The following KATNIP variants were observed in gnomAD, a reference collection of about 807,000 sequenced individuals.
KATNIP encodes the protein katanin-interacting protein.
In KATNIP, 126 loss-of-function variants were observed where a neutral mutation model predicts 174.0. The ratio of observed to expected loss-of-function variants is 0.72; its 90% confidence interval spans 0.63 to 0.84. The LOEUF is 0.84. KATNIP is among the 40% of genes least tolerant of loss of function. The pLI is 0.00. For missense variants in KATNIP, 1,958 were observed against 2,109.7 expected, an observed-to-expected ratio of 0.93 and a Z score of 1.41; for synonymous variants, 810 against 835.7, an observed-to-expected ratio of 0.97 and a Z score of 0.53.
chr16:27,681,389 T>C lies in KATNIP; in HGVS notation c.809-10T>C. On this transcript the variant is annotated splice_polypyrimidine_tract_variant and intron_variant, in intron 7 of 27. Coordinates refer to ENST00000261588, the MANE Select transcript of KATNIP (RefSeq NM_015202.5). ...TCAGCGTCTTACATGAAACAATTGT[T>C]TTCCTACAGGTCATAAAAGGGAAAG... The C allele has an allele frequency of 6.2e-7, 1 of 1,614,162 alleles. No individual in the cohort carries two copies. The highest frequency in any genetic ancestry group is 8.5e-7 in the Non-Finnish European group (1 of 1,179,986).
At chr16:27,736,779 G>A (rs1267744292) in intron 14 of KATNIP, among the ~76,000 whole-genome samples, 3 of 152,188 alleles carry the variant, frequency 2.0e-5, no homozygotes, top group African/African-American at 7.2e-5. Flanking sequence ...ACTGCTGTGT[G>A]GAAAATGAAG....
At chr16:27,675,501 C>T (rs545814934) in intron 6 of KATNIP, among the ~76,000 whole-genome samples, 1 of 152,236 alleles carries the variant, frequency 6.6e-6, no homozygotes, top group East Asian at 1.9e-4. Context: ...TTTTAAAGCC[C>T]AGCTGGGCAA....
At chr16:27,558,731 C>A in intron 1 of KATNIP, among the ~76,000 whole-genome samples, 1 of 152,200 alleles carries the variant, frequency 6.6e-6, no homozygotes. Context: ...GGCCCACGGG[C>A]CAAAAATATT....
intron 7 of KATNIP, among the ~76,000 whole-genome samples, chr16:27,680,997 T>A (rs558120906): frequency 6.6e-6 from 1 of 152,166 alleles, no homozygotes; most frequent in Admixed American, 6.5e-5. Context: ...ACCCAGCCTA[T>A]TTTGTTCATT....
chr16:27,749,637 G>A lies in KATNIP; in HGVS notation c.2677G>A (p.Glu893Lys). ...ACGGTCAAGGTGGCGCAGTGAGCAG[G>A]AGCACACACTTCACGAGTCATGGAG... ...PSRSRWRSEQ[E>K]HTLHESWSSL... The change falls in exon 16 of 28, where the codon GAG (glutamate) becomes AAG (lysine). Residue 893 changes from glutamate to lysine, a missense_variant. Coordinates refer to ENST00000261588, the MANE Select transcript of KATNIP (RefSeq NM_015202.5). 6.3e-7 allele frequency: 1 copy of A among 1,585,994 alleles called. No homozygotes were observed. The highest frequency in any genetic ancestry group is 8.6e-7 in the Non-Finnish European group (1 of 1,166,820).
At chr16:27,725,390 G>A (rs2080406367) in intron 14 of KATNIP, among the ~76,000 whole-genome samples, 1 of 152,190 alleles carries the variant, frequency 6.6e-6, no homozygotes, top group Admixed American at 6.5e-5. Flanking sequence ...GCCGTCCTGA[G>A]AAAGATCTGG....
chr16:27,550,212 T>A (rs1295267680), intron 1 of KATNIP, 35 bp downstream of exon 1: 2 of 1,603,732 alleles, frequency 1.2e-6, no homozygotes, highest in East Asian at 4.5e-5. Context: ...GAGGTCGGGC[T>A]GTTATTCTCC....
chr16:27,681,959 T>C (rs1267914487), intron 8 of KATNIP, among the ~76,000 whole-genome samples: 1 of 152,222 alleles, frequency 6.6e-6, no homozygotes, highest in Admixed American at 6.5e-5. Flanking sequence ...AAAATGCTCC[T>C]TCAGAAACAC....
At chr16:27,593,373 G>C (rs556122856) in intron 2 of KATNIP, among the ~76,000 whole-genome samples, 1 of 151,750 alleles carries the variant, frequency 6.6e-6, no homozygotes, top group South Asian at 2.1e-4. Flanking sequence ...CAAGTAGCTG[G>C]GATTACAGGC....
intron 3 of KATNIP, among the ~76,000 whole-genome samples, chr16:27,618,964 C>T (rs1170797723): frequency 6.6e-6 from 1 of 152,186 alleles, no homozygotes; most frequent in Non-Finnish European, 1.5e-5. Flanking sequence ...CTGATTTTGT[C>T]TCTGGAATGC....
intron 2 of KATNIP, among the ~76,000 whole-genome samples, chr16:27,607,659 A>G (rs542891325): frequency 7.1e-6 from 1 of 140,962 alleles, no homozygotes; most frequent in East Asian, 2.1e-4. Context: ...GTGCAGTGGC[A>G]CAATCTCAGC....
chr16:27,699,462 T>G, intron 9 of KATNIP, 72 bp from the exon 10 acceptor site: 3 of 1,595,508 alleles, frequency 1.9e-6, no homozygotes, highest in Non-Finnish European at 2.6e-6. Flanking sequence ...TTCTGTGCCC[T>G]CATCTTTCTG....
intron 6 of KATNIP, among the ~76,000 whole-genome samples, chr16:27,657,051 A>T (rs1005376993): frequency 1.3e-5 from 2 of 152,176 alleles, no homozygotes; most frequent in Non-Finnish European, 2.9e-5. Context: ...ATGAAATTTG[A>T]GATGAACTAT....
intron 5 of KATNIP, chr16:27,632,598 T>A: frequency 2.2e-6 from 1 of 456,420 alleles, no homozygotes. Flanking sequence ...TCAGAACCAC[T>A]CCATGGTCAG....
In KATNIP at chr16:27,777,671, G is replaced by A. The variant is rs1313910948; in HGVS notation, c.4613G>A (p.Gly1538Glu). Residue 1538 changes from glycine (G) to glutamate (E), a missense_variant, in exon 26 of 28, where the codon GGG becomes GAG. Transcript: ENST00000261588. The surrounding 1 kb of genome is among the most constrained non-coding windows in gnomAD (Gnocchi z 4.4). ...CTGGCCATGGTGAGCCACCTGGTGG[G>A]GGGCATCCTGCCCACATGTGAGCCC... ...GILAMVSHLVGGILPTCEPTV... is the reference protein window; with the variant it reads ...GILAMVSHLVEGILPTCEPTV... 6.2e-6 allele frequency: 10 copies of A among 1,613,888 alleles called. No homozygotes were observed. The highest frequency in any genetic ancestry group is 8.5e-6 in the Non-Finnish European group (10 of 1,179,972).
intron 2 of KATNIP, among the ~76,000 whole-genome samples, chr16:27,581,763 C>A (rs568497446): frequency 1.3e-5 from 2 of 152,242 alleles, no homozygotes; most frequent in Admixed American, 6.5e-5. Flanking sequence ...CCCCCTGAGT[C>A]CCCAAAGTCC....
intron 14 of KATNIP, among the ~76,000 whole-genome samples, chr16:27,730,874 T>C (rs567365214): frequency 6.6e-6 from 1 of 152,378 alleles, no homozygotes; most frequent in South Asian, 2.1e-4. Flanking sequence ...CTGAATTGTT[T>C]AATGACAACA....
chr16:27,631,209 G>T (rs1286930516), intron 5 of KATNIP, 47 bp downstream of exon 5: 1 of 1,385,886 alleles, frequency 7.2e-7, no homozygotes. Context: ...ACAGAGTGTG[G>T]GTGGCTGTGG....
intron 5 of KATNIP, chr16:27,632,371 C>T (rs1040557787): frequency 3.7e-5 from 9 of 240,032 alleles, no homozygotes; most frequent in South Asian, 1.2e-4. Context: ...GAATAGGTGG[C>T]GCAATATACA....
Sources: allele counts gnomAD v4.1 joint callset (sites outside exome capture counted in the v4.1 genomes callset), GRCh38; gene constraint gnomAD v4.1.1; non-coding constraint Gnocchi (gnomAD v3.1); transcripts MANE v1.5; gene names NCBI Gene and HGNC (gene_info 2026-07-23, HGNC 2026-07-21).